The following SYNPR variants were observed in gnomAD, a reference collection of about 807,000 sequenced individuals.
The protein encoded by SYNPR is synaptoporin.
Under a neutral mutation model 32.9 loss-of-function variants are expected in SYNPR, and 23 were observed. The observed-to-expected ratio is 0.70, with a 90% CI of 0.50 to 0.99. SYNPR has a LOEUF of 0.99. Ranked by LOEUF, SYNPR falls within the 50% of genes least tolerant of loss-of-function variation. The pLI is 0.00. For missense variants in SYNPR, 318 were observed against 349.3 expected (o/e 0.91, Z 0.71); for synonymous variants, 146 against 135.9 (o/e 1.07, Z -0.52).
intron 2 of SYNPR, among the ~76,000 whole-genome samples, chr3:63,407,308 C>T (rs987683623): frequency 2.8e-4 from 43 of 152,146 alleles, no homozygotes; most frequent in Non-Finnish European, 5.9e-5. Context: ...TTACAGCAAG[C>T]TCAAAAAATG....
intron 2 of SYNPR, chr3:63,426,857 T>C (rs1011208236): frequency 3.9e-5 from 6 of 152,150 alleles, no homozygotes; most frequent in African/African-American, 1.4e-4. Flanking sequence ...GCAGTTCTGG[T>C]GACAGAATTT....
At chr3:63,232,485 G>A (rs1053518979) in intron 1 of SYNPR, among the ~76,000 whole-genome samples, 13 of 152,294 alleles carry the variant, frequency 8.5e-5, no homozygotes, top group African/African-American at 3.1e-4. Context: ...TTACTGGCGT[G>A]AGCCACACCG....
At chr3:63,487,156 G>C (rs1262188000) in intron 3 of SYNPR, among the ~76,000 whole-genome samples, 2 of 152,134 alleles carry the variant, frequency 1.3e-5, no homozygotes, top group African/African-American at 2.4e-5. Context: ...TAGGTGGCAA[G>C]ATTATGAGTC....
intron 1 of SYNPR, among the ~76,000 whole-genome samples, chr3:63,233,650 T>G (rs986633230): frequency 6.6e-6 from 1 of 152,214 alleles, no homozygotes; most frequent in Non-Finnish European, 1.5e-5. Flanking sequence ...CATCACATTA[T>G]TTTTAGTAAT....
rs1307509514 is a variant in SYNPR at position 63,398,445 on chromosome 3, G to C, written c.85-82387G>C. Reference sequence around the variant, plus strand: ...CACTTAACAGTGTACTTTTGGCCAGGCGCGGTGGCTCACGCCTGTAATCCC... The same window carrying C: ...CACTTAACAGTGTACTTTTGGCCAGCCGCGGTGGCTCACGCCTGTAATCCC... On this transcript the variant is annotated intron_variant, in intron 2 of 5. Coordinates refer to ENST00000478300, the MANE Select transcript of SYNPR (RefSeq NM_001130003.2). Among the ~76,000 whole-genome samples, 5 of 152,224 alleles carry C rather than the reference G, an allele frequency of 3.3e-5. 1 individual carries two copies. In the South Asian group the frequency reaches 1.0e-3, roughly 32 times the overall value.
At chr3:63,563,171 C>T (rs545103436) in intron 4 of SYNPR, among the ~76,000 whole-genome samples, 14 of 152,294 alleles carry the variant, frequency 9.2e-5, no homozygotes, top group Non-Finnish European at 2.1e-4. Context: ...CATGCACCTT[C>T]TTATCCCCAA....
At chr3:63,370,238 G>A (rs1685888233) in intron 2 of SYNPR, among the ~76,000 whole-genome samples, 1 of 152,136 alleles carries the variant, frequency 6.6e-6, no homozygotes, top group Non-Finnish European at 1.5e-5. Context: ...GCAGTTCTCT[G>A]CCCTGTGGAA....
rs138712742 is a variant in SYNPR, at chr3:63,337,135, G to A, written c.84+58393G>A. ...TAATCCCAGCTACTTGGGAGGCTGA[G>A]GCAGGAGAATTGATTGACCCAAGGA... On this transcript the variant is annotated intron_variant, in intron 2 of 5. Coordinates refer to ENST00000478300, the MANE Select transcript of SYNPR (RefSeq NM_001130003.2). Among the ~76,000 whole-genome samples the A allele has an allele frequency of 2.0e-3, 294 of 150,684 alleles. 1 individual carries two copies. Among genetic ancestry groups the A allele is most frequent in the African/African-American group, 6.6e-3 (271 of 40,974 alleles).
intron 2 of SYNPR, among the ~76,000 whole-genome samples, chr3:63,469,367 T>C (rs1700752865): frequency 1.3e-5 from 2 of 152,134 alleles, no homozygotes; most frequent in South Asian, 4.1e-4. Context: ...CATCATGCTC[T>C]AATTTTTCTA....
At chr3:63,519,596 A>G (rs1359203049) in intron 3 of SYNPR, among the ~76,000 whole-genome samples, 2 of 152,162 alleles carry the variant, frequency 1.3e-5, no homozygotes, top group East Asian at 1.9e-4. Context: ...GACATCCTCA[A>G]GGTTGGCAGA....
Position 63,609,773 on chromosome 3 carries a change from G to A in SYNPR, c.600+457G>A, listed in dbSNP as rs574413495. 3.9e-5 allele frequency among the ~76,000 whole-genome samples: 6 copies of A among 152,178 alleles called. No individual in the cohort carries two copies. In the East Asian group the frequency reaches 5.8e-4, roughly 15 times the overall value. On this transcript the variant is annotated intron_variant, in intron 5 of 5. Coordinates refer to ENST00000478300, the MANE Select transcript of SYNPR (RefSeq NM_001130003.2). ...AATACAAAAAAAACTAGCCAGGCACGGTGGCTCATGCCTATAGTCCCAGCT... is the reference window on the plus strand; with the variant it reads ...AATACAAAAAAAACTAGCCAGGCACAGTGGCTCATGCCTATAGTCCCAGCT...
At chr3:63,259,066 T>C (rs12497059) in intron 2 of SYNPR, among the ~76,000 whole-genome samples, 65,291 of 151,978 alleles carry the variant, frequency 0.43, 14,829 homozygotes, top group Non-Finnish European at 0.5. Flanking sequence ...GGCTCTGACA[T>C]TGAGGCAATA....
chr3:63,221,253 ACAGGGTGGAATGATTT>A, the SYNPR span, among the ~76,000 whole-genome samples: 1 of 152,176 alleles, frequency 6.6e-6, no homozygotes, highest in African/African-American at 2.4e-5. Context: ...AAGTAAAGTC[ACAGGGTGGAATGATTT>A]CACCTAGGGA....
chr3:63,387,282 A>G (rs1182148942), intron 2 of SYNPR, among the ~76,000 whole-genome samples: 1 of 152,224 alleles, frequency 6.6e-6, no homozygotes, highest in Non-Finnish European at 1.5e-5. Context: ...ATTTAAATAA[A>G]GGTAAGTGTT....
At chr3:63,404,786 C>T (rs145649715) in intron 2 of SYNPR, among the ~76,000 whole-genome samples, 64 of 152,162 alleles carry the variant, frequency 4.2e-4, no homozygotes, top group African/African-American at 1.5e-3. Context: ...TTAATACAAA[C>T]AATTGCTACC....
At chr3:63,221,829 G>C in the SYNPR span, among the ~76,000 whole-genome samples, 7 of 151,930 alleles carry the variant, frequency 4.6e-5, no homozygotes, top group African/African-American at 9.7e-5. Flanking sequence ...GTAAAACTAG[G>C]TACAAAAATT....
intron 2 of SYNPR, among the ~76,000 whole-genome samples, chr3:63,329,591 A>G (rs866077268): frequency 6.6e-6 from 1 of 152,174 alleles, no homozygotes; most frequent in South Asian, 2.1e-4. Context: ...CTCTCTGATG[A>G]CTAGTAATGT....
the SYNPR span, among the ~76,000 whole-genome samples, chr3:63,208,389 C>G: frequency 1.3e-5 from 2 of 152,284 alleles, no homozygotes; most frequent in Admixed American, 1.3e-4. Context: ...ATGCTGCTGT[C>G]AAATCTGGCA....
chr3:63,509,078 T>G (rs1701642155), intron 3 of SYNPR, among the ~76,000 whole-genome samples: 1 of 151,832 alleles, frequency 6.6e-6, no homozygotes. Context: ...CAGCTGTATT[T>G]CCTTAATACT....
Sources: allele counts gnomAD v4.1 joint callset (sites outside exome capture counted in the v4.1 genomes callset), GRCh38; gene constraint gnomAD v4.1.1; transcripts MANE v1.5; gene names NCBI Gene and HGNC (gene_info 2026-07-23, HGNC 2026-07-21).